The following EDNRB variants were observed in gnomAD, a reference collection of about 807,000 sequenced individuals.
EDNRB encodes the protein endothelin receptor type B, also known as Hirschsprung disease 2.
Under a neutral mutation model 46.4 loss-of-function variants are expected in EDNRB, and 18 were observed. The observed-to-expected ratio is 0.39, with a 90% CI of 0.27 to 0.57. The LOEUF (loss-of-function observed/expected upper bound fraction) is 0.57. EDNRB is among the 20% of genes least tolerant of loss of function. The pLI is 0.61. For synonymous variants in EDNRB, 213 were observed against 204.9 expected (o/e 1.04, Z -0.34); for missense variants, 434 against 537.5 (o/e 0.81, Z 1.90).
chr13:77,927,651 A>G (rs1396711074), intron 1 of EDNRB, among the ~76,000 whole-genome samples: 1 of 152,222 alleles, frequency 6.6e-6, no homozygotes. Context: ...AAGAGCTGTA[A>G]CATATTTAGA....
At chr13:77,925,166 T>G (rs1359239104) in intron 1 of EDNRB, among the ~76,000 whole-genome samples, 1 of 152,242 alleles carries the variant, frequency 6.6e-6, no homozygotes, top group Admixed American at 6.5e-5. Flanking sequence ...TTTCTGGGAC[T>G]GGCTTGTTTT....
intron 1 of EDNRB, among the ~76,000 whole-genome samples, chr13:77,932,846 G>C (rs756055013): frequency 6.6e-6 from 1 of 152,126 alleles, no homozygotes; most frequent in Non-Finnish European, 1.5e-5. Flanking sequence ...TGCATTTCTA[G>C]TTCAATTCAA....
At chr13:77,919,283 T>C (rs541376709), upstream of EDNRB, 44 of 1,144,016 alleles carry the variant, frequency 3.8e-5, no homozygotes, top group African/African-American at 5.8e-4. Context: ...TAATTTGCCC[T>C]CTCTATAGGC....
intron 1 of EDNRB, among the ~76,000 whole-genome samples, chr13:77,966,377 A>G (rs1006291265): frequency 6.6e-6 from 1 of 152,166 alleles, no homozygotes; most frequent in East Asian, 1.9e-4. Context: ...CTGTCCTAAC[A>G]ACAAATACAT....
Position 77,908,043 on chromosome 13 carries a change from A to AAAAAAGAG in EDNRB, c.484-4437_484-4436insCTCTTTTT, listed in dbSNP as rs4052535. ...CTGCAAAAAAAAAAAAAAAAAAAAAAAGAGAGAGAGAGCATTAACCTTTAT... is the reference window on the plus strand; with the variant it reads ...CTGCAAAAAAAAAAAAAAAAAAAAAAAAAAAGAGAGAGAGAGAGAGCATTAACCTTTAT... On this transcript the variant is annotated intron_variant, in intron 1 of 6. Transcript: ENST00000646607. 7.9e-3 allele frequency among the ~76,000 whole-genome samples: 574 copies of AAAAAAGAG among 72,416 alleles called. 11 individuals carry two copies. The highest frequency in any genetic ancestry group is 0.01 in the Non-Finnish European group (442 of 42,220). 47.5% of individuals were successfully genotyped at this position (72,416 alleles called of 152,430 possible). A position where few individuals can be genotyped will look rare whatever the true frequency, so the allele number is the denominator to read the frequency against.
chr13:77,922,268 C>T (rs540404976), upstream of EDNRB, among the ~76,000 whole-genome samples: 1 of 152,176 alleles, frequency 6.6e-6, no homozygotes, highest in South Asian at 2.1e-4. Context: ...AGACAATGTC[C>T]CAGTATTTCC....
intron 1 of EDNRB, among the ~76,000 whole-genome samples, chr13:77,970,415 C>T (rs191178219): frequency 1.8e-4 from 27 of 152,218 alleles, no homozygotes; most frequent in Admixed American, 1.8e-3. Context: ...ACTCCTGTCT[C>T]AAGAGCCAAG....
intron 1 of EDNRB, among the ~76,000 whole-genome samples, chr13:77,947,079 A>T (rs1280163181): frequency 6.6e-6 from 1 of 152,250 alleles, no homozygotes; most frequent in Non-Finnish European, 1.5e-5. Flanking sequence ...GACATTGCTC[A>T]TAACACTAAG....
chr13:77,955,947 T>C (rs1213245802), intron 1 of EDNRB, among the ~76,000 whole-genome samples: 1 of 152,112 alleles, frequency 6.6e-6, no homozygotes, highest in African/African-American at 2.4e-5. Context: ...TAATATATTT[T>C]AAAATCGAGA....
chr13:77,951,367 G>A (rs1881084129), intron 1 of EDNRB, among the ~76,000 whole-genome samples: 1 of 152,128 alleles, frequency 6.6e-6, no homozygotes, highest in Admixed American at 6.6e-5. Flanking sequence ...AGTCAGCATA[G>A]TGACAACAAA....
intron 1 of EDNRB, among the ~76,000 whole-genome samples, chr13:77,974,831 C>T (rs982724186): frequency 2.6e-5 from 4 of 152,150 alleles, no homozygotes; most frequent in Admixed American, 6.5e-5. Context: ...GCTGGCCAGT[C>T]TATTTTACAT....
At chr13:77,917,947 G>GAGGGGCAGAACC in intron 1 of EDNRB, 144 bp downstream of exon 1, 1 of 1,283,180 alleles carries the variant, frequency 7.8e-7, no homozygotes, top group East Asian at 2.3e-5. Flanking sequence ...ATGGAATTTG[G>GAGGGGCAGAACC]TTCCAAAGAT....
At chr13:77,944,633 G>T (rs1880851667) in intron 1 of EDNRB, among the ~76,000 whole-genome samples, 1 of 152,094 alleles carries the variant, frequency 6.6e-6, no homozygotes, top group South Asian at 2.1e-4. Context: ...TTCAAAGATA[G>T]AAACTCTCAC....
At chr13:77,914,526 G>T (rs969800675) in intron 1 of EDNRB, among the ~76,000 whole-genome samples, 11 of 152,174 alleles carry the variant, frequency 7.2e-5, no homozygotes, top group African/African-American at 2.7e-4. Context: ...CCTAGTGTGT[G>T]CCTATGAGAA....
At chr13:77,941,684 G>A (rs1011468980) in intron 1 of EDNRB, among the ~76,000 whole-genome samples, 7 of 49,096 alleles carry the variant, frequency 1.4e-4, no homozygotes, top group Non-Finnish European at 3.9e-5. Flanking sequence ...TCAAAAGGAT[G>A]AGGAGTGGTG....
At position 77,896,679 on chromosome 13, in the gene EDNRB, A is replaced by G; in HGVS notation, c.*1521T>C. On this transcript the variant is annotated 3_prime_UTR_variant, in exon 7 of 7. Coordinates refer to ENST00000646607, the MANE Select transcript of EDNRB (RefSeq NM_001122659.3). Reference sequence around the variant, plus strand: ...TTGCACTGTGTTTTGCTGGAACAAAATCAGGACCTTTTGCATTGATGTGAC... The same window carrying G: ...TTGCACTGTGTTTTGCTGGAACAAAGTCAGGACCTTTTGCATTGATGTGAC... 2 of 1,458,440 alleles carry G rather than the reference A, an allele frequency of 1.4e-6. No individual in the cohort carries two copies. The highest frequency in any genetic ancestry group is 9.0e-7 in the Non-Finnish European group (1 of 1,111,420). The allele number at this position is 1,458,440 out of a possible 1,614,324, so 90.3% of individuals were successfully genotyped here. A position where few individuals can be genotyped will look rare whatever the true frequency, so the allele number is the denominator to read the frequency against.
intron 1 of EDNRB, among the ~76,000 whole-genome samples, chr13:77,962,476 C>T (rs1011591775): frequency 5.9e-5 from 9 of 152,136 alleles, no homozygotes; most frequent in Non-Finnish European, 1.2e-4. Context: ...ACACACAAAT[C>T]AATAAATGTA....
At chr13:77,932,121 GAA>G (rs542275243) in intron 1 of EDNRB, among the ~76,000 whole-genome samples, 101 of 152,116 alleles carry the variant, frequency 6.6e-4, no homozygotes, top group African/African-American at 2.3e-3. Context: ...GGAGAAGAGA[GAA>G]GTCTTGTCTT....
chr13:77,936,766 G>C (rs1398331031), intron 1 of EDNRB, among the ~76,000 whole-genome samples: 1 of 152,368 alleles, frequency 6.6e-6, no homozygotes, highest in Admixed American at 6.5e-5. Context: ...CCAGTGGCCA[G>C]ATTTCTGGCA....
Sources: allele counts gnomAD v4.1 joint callset (sites outside exome capture counted in the v4.1 genomes callset), GRCh38; gene constraint gnomAD v4.1.1; transcripts MANE v1.5; gene names NCBI Gene and HGNC (gene_info 2026-07-23, HGNC 2026-07-21).